Variants in STK31 observed in about 807,000 individuals in gnomAD.
STK31 encodes the protein serine/threonine-protein kinase 31.
In STK31, 89 loss-of-function variants were observed where a neutral mutation model predicts 129.7. That is an observed-to-expected ratio of 0.69 (90% CI 0.58 to 0.82). STK31 has a LOEUF of 0.82. Ranked by LOEUF, STK31 falls within the 40% of genes least tolerant of loss-of-function variation. The probability of loss-of-function intolerance (pLI) is 0.00; values close to 1 mark genes in which losing one functional copy is unlikely to be tolerated. For missense variants in STK31, 1,187 were observed against 1,176.4 expected (o/e 1.01, Z -0.13); for synonymous variants, 448 against 395.3 (o/e 1.13, Z -1.58).
At chr7:23,782,028 G>A (rs181196563) in intron 16 of STK31, among the ~76,000 whole-genome samples, 112 of 152,276 alleles carry the variant, frequency 7.4e-4, no homozygotes, top group Non-Finnish European at 1.4e-3. Flanking sequence ...GGCAGGAGAA[G>A]TTACATCTTT....
intron 11 of STK31, among the ~76,000 whole-genome samples, chr7:23,766,805 G>A (rs996242541): frequency 6.6e-6 from 1 of 152,102 alleles, no homozygotes; most frequent in Non-Finnish European, 1.5e-5. Context: ...ACTTCTGATA[G>A]ATATTTCAGC....
chr7:23,758,337 G>A (rs1789236384), intron 10 of STK31, among the ~76,000 whole-genome samples: 1 of 152,088 alleles, frequency 6.6e-6, no homozygotes, highest in Non-Finnish European at 1.5e-5. Context: ...ATTTTTTGTT[G>A]AGTCTATTTG....
intron 6 of STK31, among the ~76,000 whole-genome samples, chr7:23,733,685 T>C (rs937988917): frequency 6.6e-5 from 10 of 152,012 alleles, no homozygotes; most frequent in African/African-American, 2.4e-4. Flanking sequence ...GGTGGGTGCC[T>C]GTAGTCCCAG....
intron 6 of STK31, among the ~76,000 whole-genome samples, chr7:23,732,264 GA>G (rs932326081): frequency 2.1e-4 from 31 of 146,420 alleles, no homozygotes; most frequent in African/African-American, 5.8e-4. Flanking sequence ...GACCCTGTCT[GA>G]AAAAAAAAAG....
chr7:23,743,582 T>C (rs988521592), intron 8 of STK31, among the ~76,000 whole-genome samples: 4 of 152,228 alleles, frequency 2.6e-5, no homozygotes, highest in African/African-American at 7.2e-5. Context: ...CTTTGACTTT[T>C]GACAGGTTGA....
chr7:23,832,065 G>C, intron 23 of STK31, 71 bp from the exon 24 acceptor site: 1 of 1,103,554 alleles, frequency 9.1e-7, no homozygotes, highest in Non-Finnish European at 1.4e-6. Flanking sequence ...GAAAAAATAA[G>C]TCCACTTCCT....
intron 10 of STK31, among the ~76,000 whole-genome samples, chr7:23,760,074 C>G (rs1033836366): frequency 2.0e-5 from 3 of 152,150 alleles, no homozygotes; most frequent in Admixed American, 6.5e-5. Flanking sequence ...AAATATTTTA[C>G]ATAAATTCTT....
At chr7:23,806,235 G>GT (rs948230074) in intron 22 of STK31, among the ~76,000 whole-genome samples, 2 of 152,102 alleles carry the variant, frequency 1.3e-5, no homozygotes, top group African/African-American at 4.8e-5. Context: ...CCTATGTGCT[G>GT]TTTTTTTAAG....
chr7:23,712,155 C>G lies in STK31; in HGVS notation c.97+10C>G, dbSNP rs1562539473. On this transcript the variant is annotated intron_variant, in intron 2 of 23. Transcript: ENST00000355870. ...ACACATTACGATAAAGGTACTGACA[C>G]TAAAAATTATTTTGGGGTGTAAGAG... The G allele has an allele frequency of 1.2e-6, 2 of 1,613,518 alleles. No homozygotes were observed. Among genetic ancestry groups the G allele is most frequent in the Admixed American group, 1.7e-5 (1 of 59,992 alleles).
intron 23 of STK31, among the ~76,000 whole-genome samples, chr7:23,829,349 A>G (rs1038402587): frequency 2.0e-5 from 3 of 152,186 alleles, no homozygotes; most frequent in Non-Finnish European, 2.9e-5. Context: ...GTTTTAATCT[A>G]TGAAATACTT....
At chr7:23,771,646 T>TATGTTAATTAA (rs1790202101) in intron 14 of STK31, 3 of 153,044 alleles carry the variant, frequency 2.0e-5, no homozygotes, top group Middle Eastern at 3.4e-3. Context: ...CATTAACCTT[T>TATGTTAATTAA]CATGTGTGTT....
At chr7:23,751,576 G>T (rs1372179191) in intron 8 of STK31, among the ~76,000 whole-genome samples, 1 of 152,086 alleles carries the variant, frequency 6.6e-6, no homozygotes, top group African/African-American at 2.4e-5. Flanking sequence ...AGGCTGAATT[G>T]GTTGATAGTG....
At chr7:23,826,082 G>A (rs568667725) in intron 23 of STK31, among the ~76,000 whole-genome samples, 3 of 152,142 alleles carry the variant, frequency 2.0e-5, no homozygotes, top group Non-Finnish European at 2.9e-5. Flanking sequence ...CTGTTGATTT[G>A]GGGTGGAGAG....
intron 4 of STK31, chr7:23,721,407 T>G (rs1786680588): frequency 9.1e-7 from 1 of 1,098,606 alleles, no homozygotes; most frequent in Non-Finnish European, 1.4e-6. Context: ...TCCTCTGGCT[T>G]CATTGCTTCA....
intron 12 of STK31, 36 bp downstream of exon 12, chr7:23,769,210 T>G: frequency 2.0e-6 from 3 of 1,490,940 alleles, no homozygotes; most frequent in Non-Finnish European, 2.7e-6. Flanking sequence ...GTTTGTAGCA[T>G]AAACCAGGGA....
chr7:23,763,551 T>G (rs1045039471), intron 11 of STK31, among the ~76,000 whole-genome samples: 1 of 152,194 alleles, frequency 6.6e-6, no homozygotes, highest in Non-Finnish European at 1.5e-5. Flanking sequence ...GTCCTCATGC[T>G]TTTTTCTTCA....
At chr7:23,782,913 C>G (rs774647707) in intron 16 of STK31, among the ~76,000 whole-genome samples, 1 of 151,970 alleles carries the variant, frequency 6.6e-6, no homozygotes, top group South Asian at 2.1e-4. Flanking sequence ...AAGATTTGTG[C>G]TTATGTATGT....
chr7:23,786,817 A>G, intron 19 of STK31, 21 bp from the exon 20 acceptor site: 2 of 1,600,884 alleles, frequency 1.2e-6, no homozygotes, highest in Non-Finnish European at 1.7e-6. Flanking sequence ...TTGGAGTCAC[A>G]TTCTCTGTTT....
intron 23 of STK31, among the ~76,000 whole-genome samples, chr7:23,829,083 T>C (rs1157160223): frequency 6.6e-6 from 1 of 151,296 alleles, no homozygotes; most frequent in South Asian, 2.1e-4. Flanking sequence ...TTTTTTTTTG[T>C]ATTTTTTAGT....
Sources: allele counts gnomAD v4.1 joint callset (sites outside exome capture counted in the v4.1 genomes callset), GRCh38; gene constraint gnomAD v4.1.1; transcripts MANE v1.5; gene names NCBI Gene and HGNC (gene_info 2026-07-23, HGNC 2026-07-21).